DMXL2: variants seen among roughly 807,000 people sequenced by gnomAD.
The protein encoded by DMXL2 is dmX-like protein 2.
A neutral mutation model predicts 331.1 loss-of-function variants in DMXL2; 103 were observed. The observed-to-expected ratio is 0.31, with a 90% CI of 0.27 to 0.37. The LOEUF (loss-of-function observed/expected upper bound fraction) is 0.37, where lower values mean the gene tolerates loss of function less well. Among genes scored for constraint, DMXL2 ranks in the 10% least tolerant of loss-of-function variants. The pLI is 1.00. For missense variants in DMXL2, 3,171 were observed against 3,642.9 expected (o/e 0.87, Z 3.33); for synonymous variants, 1,281 against 1,252.1 (o/e 1.02, Z -0.49).
At chr15:51,558,934 C>A (rs1480774129) in intron 6 of DMXL2, among the ~76,000 whole-genome samples, 1 of 152,044 alleles carries the variant, frequency 6.6e-6, no homozygotes, top group African/African-American at 2.4e-5. Context: ...TCAATAATTT[C>A]TTTTGTAATG....
intron 15 of DMXL2, among the ~76,000 whole-genome samples, chr15:51,508,704 G>A (rs1364716932): frequency 2.6e-5 from 4 of 152,158 alleles, no homozygotes; most frequent in African/African-American, 7.2e-5. Context: ...GAGATAACCA[G>A]CGCGCAGACT....
intron 1 of DMXL2, among the ~76,000 whole-genome samples, chr15:51,580,910 A>G (rs2051364843): frequency 6.6e-6 from 1 of 151,294 alleles, no homozygotes; most frequent in African/African-American, 2.5e-5. Context: ...CATTGAAACT[A>G]AAAGTTTTCA....
intron 1 of DMXL2, among the ~76,000 whole-genome samples, chr15:51,576,734 C>G (rs1433267560): frequency 1.3e-5 from 2 of 152,136 alleles, no homozygotes; most frequent in East Asian, 3.8e-4. Flanking sequence ...TCAAATGAAT[C>G]CACAACGCAG....
intron 34 of DMXL2, 200 bp from the exon 35 acceptor site, chr15:51,458,995 G>A: frequency 1.8e-6 from 1 of 557,966 alleles, no homozygotes; most frequent in South Asian, 2.3e-5. Flanking sequence ...CTGATGTCCT[G>A]TAATCACCCC....
chr15:51,476,481 A>C (rs968073761), intron 27 of DMXL2, 108 bp downstream of exon 27: 18 of 1,280,252 alleles, frequency 1.4e-5, no homozygotes, highest in Non-Finnish European at 1.7e-5. Flanking sequence ...CAAAGAAAGA[A>C]AGGAACCACT....
rs147864837 is a variant in DMXL2, at chr15:51,450,219, C to T, written c.8877G>A (p.Thr2959=). The T allele has an allele frequency of 7.4e-6, 12 of 1,613,934 alleles. No homozygotes were observed. Among genetic ancestry groups the T allele is most frequent in the Middle Eastern group, 1.6e-4 (1 of 6,082 alleles). The change falls in exon 43 of 44, where the codon ACG becomes ACA. Residue 2959 remains threonine (T), a synonymous_variant. Coordinates refer to ENST00000560891, the MANE Select transcript of DMXL2 (RefSeq NM_001378457.1). ...FDIRQRQLIH[T]FQAHDSAIKA... ...TAATAGCTGAGTCATGGGCCTGGAA[C>T]GTGTGAATGAGCTGCCTTTGCCTGA...
chr15:51,620,746 T>C (rs982097023), intron 1 of DMXL2, among the ~76,000 whole-genome samples: 17 of 152,162 alleles, frequency 1.1e-4, no homozygotes, highest in Non-Finnish European at 2.1e-4. Context: ...CAGAGTCAAC[T>C]AGACTTCGTG....
intron 1 of DMXL2, among the ~76,000 whole-genome samples, chr15:51,611,161 G>C (rs937709177): frequency 5.3e-5 from 8 of 151,988 alleles, no homozygotes; most frequent in African/African-American, 1.9e-4. Flanking sequence ...GTATATAACA[G>C]AGAGAAGTGG....
At chr15:51,583,106 C>CTTTTTTTTTTTTTT (rs57226377) in intron 1 of DMXL2, among the ~76,000 whole-genome samples, 1 of 87,180 alleles carries the variant, frequency 1.1e-5, no homozygotes, top group Non-Finnish European at 2.5e-5. Flanking sequence ...CTTCATTCTT[C>CTTTTTTTTTTTTTT]TTTTTTTTTT....
intron 1 of DMXL2, among the ~76,000 whole-genome samples, chr15:51,597,768 A>G (rs1255078532): frequency 6.6e-6 from 1 of 152,224 alleles, no homozygotes; most frequent in Non-Finnish European, 1.5e-5. Context: ...AGTGCATGAG[A>G]ATTCCCATCA....
At chr15:51,471,843 T>C (rs1470551869) in intron 28 of DMXL2, among the ~76,000 whole-genome samples, 1 of 152,088 alleles carries the variant, frequency 6.6e-6, no homozygotes, top group Non-Finnish European at 1.5e-5. Context: ...AAGGTTTGGG[T>C]AAATGAGGAG....
At chr15:51,509,794 G>A (rs1006961891) in intron 15 of DMXL2, among the ~76,000 whole-genome samples, 3 of 152,138 alleles carry the variant, frequency 2.0e-5, no homozygotes, top group Non-Finnish European at 4.4e-5. Context: ...GAACATCAAT[G>A]CGAAAAACCT....
intron 13 of DMXL2, among the ~76,000 whole-genome samples, chr15:51,520,275 T>C (rs1282887914): frequency 1.3e-5 from 2 of 152,148 alleles, no homozygotes; most frequent in Non-Finnish European, 2.9e-5. Context: ...TTCCTAACCA[T>C]CACAATCTGG....
At chr15:51,587,110 A>AT (rs1343357457) in intron 1 of DMXL2, among the ~76,000 whole-genome samples, 2 of 152,226 alleles carry the variant, frequency 1.3e-5, no homozygotes, top group African/African-American at 4.8e-5. Flanking sequence ...AATTTGCTTC[A>AT]TAACAAATAA....
intron 1 of DMXL2, among the ~76,000 whole-genome samples, chr15:51,604,093 T>A (rs527623390): frequency 6.6e-5 from 10 of 152,120 alleles, no homozygotes; most frequent in African/African-American, 2.2e-4. Context: ...ACTACAAGAC[T>A]GATTCAATTT....
Position 51,536,585 on chromosome 15 carries a change from G to T in DMXL2, c.1895C>A (p.Ser632Tyr), listed in dbSNP as rs147376349. The change falls in exon 12 of 44, where the codon TCT becomes TAT. Residue 632 changes from serine (S) to tyrosine (Y), a missense_variant. Physicochemically the swap from Ser to Tyr is moderately radical, Grantham distance 144 (BLOSUM62 -2). Transcript: ENST00000560891. ...TACAGTTAGAACAGTGGTAAAGGCAGACTTATCAGCAAAAGTGACTGCCCA... is the reference window on the plus strand; with the variant it reads ...TACAGTTAGAACAGTGGTAAAGGCATACTTATCAGCAAAAGTGACTGCCCA... ...NQWAVTFADK[S>Y]AFTTVLTVSH... 2 of 1,614,026 alleles carry T rather than the reference G, an allele frequency of 1.2e-6. No homozygotes were observed. Among genetic ancestry groups the T allele is most frequent in the Non-Finnish European group, 1.7e-6 (2 of 1,179,978 alleles).
At position 51,573,791 on chromosome 15, in the gene DMXL2, A is replaced by G. The variant is rs573765425; in HGVS notation, c.213+2265T>C. 3.9e-5 allele frequency among the ~76,000 whole-genome samples: 6 copies of G among 152,250 alleles called. No homozygotes were observed. The South Asian group carries it at 1.2e-3, about 32-fold the overall frequency. ...AAACCACCATGGCACGTGTATACCT[A>G]TGTAACAAACCTACACGTTCTGCAC... On this transcript the variant is annotated intron_variant, in intron 2 of 43. Coordinates refer to ENST00000560891, the MANE Select transcript of DMXL2 (RefSeq NM_001378457.1).
intron 1 of DMXL2, among the ~76,000 whole-genome samples, chr15:51,596,390 A>G (rs1387416907): frequency 6.6e-6 from 1 of 152,224 alleles, no homozygotes; most frequent in Admixed American, 6.5e-5. Flanking sequence ...CACACCAGTT[A>G]GAATGGCGAT....
chr15:51,506,567 C>A (rs1054641490), intron 16 of DMXL2, among the ~76,000 whole-genome samples: 3 of 151,516 alleles, frequency 2.0e-5, no homozygotes, highest in African/African-American at 7.3e-5. Context: ...CATTCTCCTG[C>A]CTCAGCCTCC....
Sources: gnomAD v4.1 joint callset for allele counts (sites outside exome capture counted in the v4.1 genomes callset) on GRCh38, gnomAD v4.1.1 for gene constraint, MANE v1.5 for transcripts, NCBI Gene and HGNC (gene_info 2026-07-23, HGNC 2026-07-21) for gene names.